Variants in DDX31 observed in about 807,000 individuals in gnomAD.
DDX31 encodes DEAD-box helicase 31.
In DDX31, 70 loss-of-function variants were observed where a neutral mutation model predicts 91.3. That is an observed-to-expected ratio of 0.77 (90% CI 0.63 to 0.94). DDX31 has a LOEUF of 0.94. DDX31 is among the 40% of genes least tolerant of loss of function. The pLI, the probability that DDX31 is intolerant of heterozygous loss-of-function variation, is 0.00. For synonymous variants in DDX31, 362 were observed against 350.6 expected (o/e 1.03, Z -0.36); for missense variants, 902 against 925.0 (o/e 0.98, Z 0.32).
chr9:132,669,077 G>A (rs1290438955), intron 1 of DDX31, among the ~76,000 whole-genome samples: 7 of 152,144 alleles, frequency 4.6e-5, no homozygotes, highest in Admixed American at 4.6e-4. Context: ...AGATTGTGGA[G>A]ACCAAGGTTC....
chr9:132,664,333 T>C (rs935387087), intron 1 of DDX31, among the ~76,000 whole-genome samples: 1 of 152,210 alleles, frequency 6.6e-6, no homozygotes, highest in African/African-American at 2.4e-5. Flanking sequence ...TCACCCTTTA[T>C]TCCTATGTCA....
At chr9:132,665,705 T>A (rs776883086) in intron 1 of DDX31, among the ~76,000 whole-genome samples, 1 of 152,212 alleles carries the variant, frequency 6.6e-6, no homozygotes, top group East Asian at 1.9e-4. Context: ...CTAGGGCCCA[T>A]CAAGACCTGA....
chr9:132,650,998 A>C, intron 8 of DDX31, 77 bp downstream of exon 8: 1 of 1,306,804 alleles, frequency 7.7e-7, no homozygotes, highest in Non-Finnish European at 1.1e-6. Flanking sequence ...TTTGAAAATA[A>C]AGAATAGACT....
chr9:132,669,749 C>T, intron 1 of DDX31, 111 bp downstream of exon 1: 1 of 1,527,182 alleles, frequency 6.5e-7, no homozygotes, highest in Admixed American at 2.0e-5. Context: ...CTTTCTCCCG[C>T]TTAACTCCGT....
At chr9:132,647,555 C>A (rs1057388341) in intron 11 of DDX31, among the ~76,000 whole-genome samples, 5 of 152,102 alleles carry the variant, frequency 3.3e-5, no homozygotes, top group African/African-American at 1.2e-4. Context: ...CTGTGAGGGA[C>A]CACATGCATG....
At chr9:132,653,720 T>C (rs1834367438) in intron 6 of DDX31, among the ~76,000 whole-genome samples, 1 of 151,966 alleles carries the variant, frequency 6.6e-6, no homozygotes, top group East Asian at 1.9e-4. Context: ...CAATAGTACA[T>C]ATAAGCTAAT....
chr9:132,643,456 T>C (rs306536), intron 13 of DDX31, among the ~76,000 whole-genome samples: 10,880 of 152,316 alleles, frequency 0.071, 506 homozygotes, highest in East Asian at 0.11. Flanking sequence ...TGGTCTTTCC[T>C]GTGCGTAGAT....
At chr9:132,606,111 A>G (rs935994381) in intron 19 of DDX31, among the ~76,000 whole-genome samples, 2 of 152,210 alleles carry the variant, frequency 1.3e-5, no homozygotes, top group Non-Finnish European at 2.9e-5. Flanking sequence ...ACTCAGGTGC[A>G]GTGGATTTAC....
intron 19 of DDX31, among the ~76,000 whole-genome samples, chr9:132,605,391 TCACTGCAG>T (rs1830955874): frequency 6.6e-6 from 1 of 152,266 alleles, no homozygotes; most frequent in South Asian, 2.1e-4. Flanking sequence ...AAGGAAATGC[TCACTGCAG>T]CACTGCAGAG....
Position 132,630,366 on chromosome 9 carries a change from C to T in DDX31, c.1529G>A (p.Arg510Gln), listed in dbSNP as rs548078213. The change falls in exon 16 of 20, where the codon CGG becomes CAG. Residue 510 changes from arginine (R) to glutamine (Q), a missense_variant. Arg to Gln is a conservative substitution (Grantham distance 43, BLOSUM62 1). Coordinates refer to ENST00000372159, the MANE Select transcript of DDX31 (RefSeq NM_022779.9). ...GCCAATCCGGGCGGTTCTTCCAATC[C>T]GGTGGATGTATTCTGCAGGTGAAGA... is the stretch of plus-strand genomic sequence containing the variant. ...APSSPAEYIH[R>Q]IGRTARIGCH... 43 of 1,603,488 alleles carry T rather than the reference C, an allele frequency of 2.7e-5. No homozygotes were observed. Among genetic ancestry groups the T allele is most frequent in the South Asian group, 1.9e-4 (17 of 90,384 alleles).
intron 14 of DDX31, among the ~76,000 whole-genome samples, chr9:132,633,954 G>A (rs1306874334): frequency 6.6e-5 from 10 of 152,162 alleles, no homozygotes; most frequent in African/African-American, 2.2e-4. Context: ...AGAGGAACAT[G>A]TTGAACACCG....
chr9:132,657,602 A>G (rs1834649736), intron 6 of DDX31, among the ~76,000 whole-genome samples: 1 of 152,218 alleles, frequency 6.6e-6, no homozygotes, highest in South Asian at 2.1e-4. Context: ...TGTCACTCAA[A>G]TATCAGGTAG....
chr9:132,659,565 C>T, intron 5 of DDX31, 145 bp downstream of exon 5: 1 of 674,510 alleles, frequency 1.5e-6, no homozygotes, highest in Non-Finnish European at 2.6e-6. Flanking sequence ...TGAACACATT[C>T]AGGGCTCTAA....
intron 3 of DDX31, among the ~76,000 whole-genome samples, chr9:132,661,477 A>AG (rs1307639650): frequency 6.6e-6 from 1 of 152,012 alleles, no homozygotes; most frequent in African/African-American, 2.4e-5. Context: ...TAACCAGGGG[A>AG]GGGGGGCACT....
rs138593784 is a variant in DDX31 at position 132,659,720 on chromosome 9, C to A, written c.513G>T (p.Gln171His). The change falls in exon 5 of 20, where the codon CAG becomes CAT. Residue 171 changes from glutamine (Q) to histidine (H), a missense_variant. Physicochemically the swap from Gln to His is conservative, Grantham distance 24 (BLOSUM62 0). Transcript: ENST00000372159. ...LEGRDALVRS[Q>H]TGSGKTLAYC... is the part of the protein sequence containing the mutation. ...TGAAATGAGACTAACCTGAGCCCGTCTGGGATCTCACGAGAGCATCTCTGC... is the reference window on the plus strand; with the variant it reads ...TGAAATGAGACTAACCTGAGCCCGTATGGGATCTCACGAGAGCATCTCTGC... 3 of 1,611,116 alleles carry A rather than the reference C, an allele frequency of 1.9e-6. No individual in the cohort carries two copies. The African/African-American group carries it at 4.0e-5, about 22-fold the overall frequency.
chr9:132,641,922 G>C, intron 14 of DDX31, 82 bp downstream of exon 14: 1 of 1,471,808 alleles, frequency 6.8e-7, no homozygotes, highest in South Asian at 1.1e-5. Context: ...CTGACCACAG[G>C]ACAAACTGTC....
At chr9:132,631,359 G>C (rs1428597343) in intron 15 of DDX31, among the ~76,000 whole-genome samples, 1 of 152,172 alleles carries the variant, frequency 6.6e-6, no homozygotes, top group East Asian at 1.9e-4. Context: ...TCTGTGGCCA[G>C]CAGGAAAGAA....
intron 12 of DDX31, 99 bp from the exon 13 acceptor site, chr9:132,646,170 T>G: frequency 1.6e-6 from 2 of 1,255,310 alleles, no homozygotes; most frequent in South Asian, 1.6e-5. Context: ...TGACCCCCAT[T>G]TGGAAATAAA....
At chr9:132,660,938 C>T in intron 4 of DDX31, 1 of 444,520 alleles carries the variant, frequency 2.2e-6, no homozygotes. Context: ...CAGGGAAGCA[C>T]AGAAAACAGC....
Sources: allele counts gnomAD v4.1 joint callset (sites outside exome capture counted in the v4.1 genomes callset), GRCh38; gene constraint gnomAD v4.1.1; transcripts MANE v1.5; gene names NCBI Gene and HGNC (gene_info 2026-07-23, HGNC 2026-07-21).